PCDH15: variants seen among roughly 807,000 people sequenced by gnomAD.
PCDH15 encodes the protein protocadherin-15.
PCDH15 carries 129 observed loss-of-function variants against 178.5 expected under a neutral mutation model. That is an observed-to-expected ratio of 0.72 (90% CI 0.63 to 0.84). The LOEUF (loss-of-function observed/expected upper bound fraction) is 0.84, where lower values mean the gene tolerates loss of function less well. Ranked by LOEUF, PCDH15 falls within the 40% of genes least tolerant of loss-of-function variation. PCDH15 has a pLI of 0.00. For missense variants in PCDH15, 2,230 were observed against 2,099.9 expected, an observed-to-expected ratio of 1.06 and a Z score of -1.21; for synonymous variants, 800 against 732.0, an observed-to-expected ratio of 1.09 and a Z score of -1.50.
At chr10:54,697,194 A>G (rs1344045887) in intron 1 of PCDH15, among the ~76,000 whole-genome samples, 4 of 152,136 alleles carry the variant, frequency 2.6e-5, no homozygotes, top group Non-Finnish European at 5.9e-5. Flanking sequence ...AACAAATTTC[A>G]AATAGAATGG....
rs556283796 is a variant in PCDH15, at chr10:54,129,898, G to A, written c.1917+2977C>T. On this transcript the variant is annotated intron_variant, in intron 15 of 37. Coordinates refer to ENST00000644397, the MANE Select transcript of PCDH15 (RefSeq NM_001384140.1). The stretch of plus-strand genomic sequence containing the variant: ...GGTCAACTGTGTTACTATTTTATGG[G>A]ATGAGACGGCAGAGATGATACATGG... Among the ~76,000 whole-genome samples the A allele has an allele frequency of 6.6e-5, 10 of 152,258 alleles. No individual in the cohort carries two copies. In the South Asian group the frequency reaches 1.7e-3, roughly 25 times the overall value.
intron 3 of PCDH15, among the ~76,000 whole-genome samples, chr10:54,812,721 T>A (rs1330626079): frequency 6.6e-6 from 1 of 151,958 alleles, no homozygotes; most frequent in Non-Finnish European, 1.5e-5. Context: ...CCTCCCAAAG[T>A]GCTGGGATAA....
intron 1 of PCDH15, among the ~76,000 whole-genome samples, chr10:55,190,152 C>T (rs1010141255): frequency 2.0e-5 from 3 of 151,646 alleles, no homozygotes; most frequent in African/African-American, 7.3e-5. Flanking sequence ...CATGATAATA[C>T]ATACTTCATG....
At chr10:55,157,322 TG>T (rs1262897651) in intron 2 of PCDH15, among the ~76,000 whole-genome samples, 1 of 150,204 alleles carries the variant, frequency 6.7e-6, no homozygotes, top group Non-Finnish European at 1.5e-5. Flanking sequence ...CTGGAGAGGA[TG>T]TGGAGAAATA....
At position 54,499,241 on chromosome 10, in the gene PCDH15, A is replaced by G. The variant is rs146810481; in HGVS notation, c.157+28571T>C. Among the ~76,000 whole-genome samples the G allele has an allele frequency of 2.6e-4, 40 of 152,252 alleles. 1 individual carries two copies. Among genetic ancestry groups the G allele is most frequent in the Admixed American group, 2.3e-3 (35 of 15,272 alleles). The stretch of plus-strand genomic sequence containing the variant: ...GATAATAGGAGACTTCAATACCCCA[A>G]TGACAGTATTAGACAGATCACTGAG... On this transcript the variant is annotated intron_variant, in intron 3 of 37. Transcript: ENST00000644397.
chr10:53,807,320 C>A (rs779047193), intron 37 of PCDH15, among the ~76,000 whole-genome samples, 190 bp from the exon 38 acceptor site: 2 of 152,138 alleles, frequency 1.3e-5, no homozygotes, highest in East Asian at 1.9e-4. Flanking sequence ...GGCTTTAGAT[C>A]TTTCTTATTA....
rs536621496 is a variant in PCDH15, at chr10:55,130,664, T to C, written c.-80+35912A>G. 6.9e-5 allele frequency among the ~76,000 whole-genome samples: 10 copies of C among 145,328 alleles called. No homozygotes were observed. In the East Asian group the frequency reaches 2.1e-3, roughly 30 times the overall value. Reference sequence around the variant, plus strand: ...TACTTTAAACCTATGGCTTAACATGTATAAACACACATACACGTGTGTGTG... The same window carrying C: ...TACTTTAAACCTATGGCTTAACATGCATAAACACACATACACGTGTGTGTG... On this transcript the variant is annotated intron_variant, in intron 2 of 5. Coordinates refer to the PCDH15 transcript ENST00000458638.
intron 5 of PCDH15, among the ~76,000 whole-genome samples, chr10:54,358,705 T>C (rs981019887): frequency 1.8e-4 from 28 of 152,132 alleles, no homozygotes; most frequent in South Asian, 6.2e-4. Context: ...TAAAGACACA[T>C]GCACATGTAT....
intron 26 of PCDH15, among the ~76,000 whole-genome samples, chr10:53,878,225 T>TATATATATATATATATATATTCTAC (rs2080392339): frequency 4.4e-5 from 1 of 22,596 alleles, no homozygotes; most frequent in African/African-American, 8.4e-5. Context: ...AATATATATA[T>TATATATATATATATATATATTCTAC]ATATATATAT....
chr10:54,225,576 T>C (rs562269110), intron 9 of PCDH15, among the ~76,000 whole-genome samples: 21 of 152,308 alleles, frequency 1.4e-4, no homozygotes, highest in Admixed American at 3.3e-4. Context: ...CATTCCCTTA[T>C]AATCACTGAA....
chr10:54,605,969 G>T (rs1226443560), intron 2 of PCDH15: 1 of 152,098 alleles, frequency 6.6e-6, no homozygotes, highest in African/African-American at 2.4e-5. Flanking sequence ...TCATTAGAGT[G>T]AGCAAGTGGG....
intron 21 of PCDH15, among the ~76,000 whole-genome samples, chr10:53,988,145 C>A (rs2091232393): frequency 6.6e-6 from 1 of 152,156 alleles, no homozygotes; most frequent in Non-Finnish European, 1.5e-5. Flanking sequence ...GCTGCGGCAA[C>A]TCAATACCTA....
intron 8 of PCDH15, among the ~76,000 whole-genome samples, chr10:54,305,991 A>T (rs1382992208): frequency 6.6e-6 from 1 of 152,032 alleles, no homozygotes; most frequent in Non-Finnish European, 1.5e-5. Context: ...GTCATGGTAG[A>T]GGAAGACACT....
chr10:55,483,049 G>A (rs555692253), intron 2 of PCDH15, among the ~76,000 whole-genome samples: 3 of 151,788 alleles, frequency 2.0e-5, no homozygotes, highest in Admixed American at 2.0e-4. Context: ...AGACTTAAAT[G>A]TAAAACCCAT....
intron 3 of PCDH15, among the ~76,000 whole-genome samples, chr10:54,827,391 T>C (rs1175762530): frequency 6.6e-6 from 1 of 152,156 alleles, no homozygotes; most frequent in African/African-American, 2.4e-5. Context: ...AACTGGGCAG[T>C]GTACGAACTA....
intron 3 of PCDH15, among the ~76,000 whole-genome samples, chr10:54,829,280 A>C: frequency 6.6e-6 from 1 of 152,094 alleles, no homozygotes; most frequent in Non-Finnish European, 1.5e-5. Flanking sequence ...GTCAGTTAGT[A>C]ACCTAGATTC....
At chr10:54,408,531 A>G (rs1301203753) in intron 3 of PCDH15, among the ~76,000 whole-genome samples, 1 of 152,182 alleles carries the variant, frequency 6.6e-6, no homozygotes, top group East Asian at 1.9e-4. Flanking sequence ...ATCATTATGT[A>G]TGAGACAAAT....
intron 2 of PCDH15, among the ~76,000 whole-genome samples, chr10:55,427,331 C>T (rs1349003421): frequency 9.2e-5 from 14 of 152,092 alleles, no homozygotes; most frequent in Non-Finnish European, 4.4e-5. Flanking sequence ...ACAAAGAACA[C>T]AATGTTATAA....
chr10:54,573,043 T>G (rs946572703), intron 2 of PCDH15, among the ~76,000 whole-genome samples: 2 of 152,146 alleles, frequency 1.3e-5, no homozygotes, highest in Admixed American at 6.6e-5. Flanking sequence ...TATATCAATA[T>G]TTTATTTCTT....
Sources: allele counts gnomAD v4.1 joint callset (sites outside exome capture counted in the v4.1 genomes callset), GRCh38; gene constraint gnomAD v4.1.1; transcripts MANE v1.5; gene names NCBI Gene and HGNC (gene_info 2026-07-23, HGNC 2026-07-21).